The following LRRIQ3 variants were observed in gnomAD, a reference collection of about 807,000 sequenced individuals.
LRRIQ3 encodes the protein leucine rich repeats and IQ motif containing 3.
Under a neutral mutation model 59.3 loss-of-function variants are expected in LRRIQ3, and 75 were observed. The observed-to-expected ratio is 1.26, with a 90% CI of 1.05 to 1.53. The LOEUF is 1.53. LRRIQ3 is among the 40% of genes most tolerant of loss of function. The probability of loss-of-function intolerance (pLI) is 0.00; values close to 1 mark genes in which losing one functional copy is unlikely to be tolerated. For missense variants in LRRIQ3, 831 were observed against 710.0 expected (o/e 1.17, Z -1.94); for synonymous variants, 250 against 231.3 (o/e 1.08, Z -0.73).
At chr1:74,186,008 A>G (rs1230090366) in intron 1 of LRRIQ3, among the ~76,000 whole-genome samples, 1 of 151,130 alleles carries the variant, frequency 6.6e-6, no homozygotes, top group Non-Finnish European at 1.5e-5. Context: ...TATACTGTTA[A>G]TCATGGCATT....
At chr1:74,129,669 C>G (rs1017849011) in intron 4 of LRRIQ3, among the ~76,000 whole-genome samples, 2 of 151,990 alleles carry the variant, frequency 1.3e-5, no homozygotes, top group African/African-American at 4.8e-5. Flanking sequence ...GCTATAGCCA[C>G]CACAGCTGGA....
intron 4 of LRRIQ3, among the ~76,000 whole-genome samples, chr1:74,109,766 C>T (rs1487539801): frequency 8.6e-5 from 13 of 151,676 alleles, no homozygotes; most frequent in Admixed American, 7.3e-4. Flanking sequence ...TGAGAAATTT[C>T]AGCTGATATG....
At chr1:74,099,499 C>T (rs1254315836) in intron 5 of LRRIQ3, among the ~76,000 whole-genome samples, 1 of 152,122 alleles carries the variant, frequency 6.6e-6, no homozygotes, top group Non-Finnish European at 1.5e-5. Context: ...TGGTACCATT[C>T]CTTCTGAAAC....
intron 4 of LRRIQ3, among the ~76,000 whole-genome samples, chr1:74,120,124 GTT>G (rs377163655): frequency 1.4e-5 from 2 of 142,632 alleles, no homozygotes; most frequent in African/African-American, 2.5e-5. Context: ...TTTGTATGTT[GTT>G]TTTTTTTTTT....
At chr1:74,172,834 G>A (rs1007075600) in intron 3 of LRRIQ3, among the ~76,000 whole-genome samples, 1 of 151,986 alleles carries the variant, frequency 6.6e-6, no homozygotes, top group African/African-American at 2.4e-5. Flanking sequence ...TTTGTCTTTT[G>A]TAAGTTTTTT....
chr1:74,097,423 G>A lies in LRRIQ3; in HGVS notation c.867+11971C>T, dbSNP rs374431979. Among the ~76,000 whole-genome samples the A allele has an allele frequency of 1.3e-3, 205 of 152,196 alleles. 1 individual carries two copies. Among genetic ancestry groups the A allele is most frequent in the African/African-American group, 4.7e-3 (196 of 41,540 alleles). On this transcript the variant is annotated intron_variant, in intron 5 of 7. Transcript: ENST00000354431. ...GACTATGTGAAAAGACCAAATCTAC[G>A]TCTCATTGGTGTACCTAAAAGTGAC...
chr1:74,093,175 T>C (rs1646412687), intron 5 of LRRIQ3, among the ~76,000 whole-genome samples: 1 of 151,972 alleles, frequency 6.6e-6, no homozygotes, highest in African/African-American at 2.4e-5. Context: ...TCAATCTCTA[T>C]AGCAACCCAC....
intron 6 of LRRIQ3, among the ~76,000 whole-genome samples, chr1:74,071,345 T>C (rs576534728): frequency 6.6e-6 from 1 of 152,176 alleles, no homozygotes; most frequent in Admixed American, 6.6e-5. Context: ...ATTGCTTCTG[T>C]TAAATAAACA....
At chr1:74,195,553 T>C (rs1205138881) in intron 1 of LRRIQ3, among the ~76,000 whole-genome samples, 2 of 152,202 alleles carry the variant, frequency 1.3e-5, no homozygotes, top group African/African-American at 4.8e-5. Flanking sequence ...ATAAAGTTGC[T>C]TTAAAAAATC....
At chr1:74,161,676 G>A (rs1648668804) in intron 3 of LRRIQ3, among the ~76,000 whole-genome samples, 1 of 151,836 alleles carries the variant, frequency 6.6e-6, no homozygotes, top group Admixed American at 6.6e-5. Context: ...AGCTCATATT[G>A]CAGTTTACAT....
intron 7 of LRRIQ3, among the ~76,000 whole-genome samples, chr1:74,029,915 G>A (rs1653646201): frequency 6.6e-6 from 1 of 151,966 alleles, no homozygotes; most frequent in Non-Finnish European, 1.5e-5. Context: ...CTTCTTCCTA[G>A]TTTAGTCTTG....
chr1:74,030,899 TCAAA>T (rs1411536025), intron 7 of LRRIQ3, among the ~76,000 whole-genome samples: 1 of 151,990 alleles, frequency 6.6e-6, no homozygotes, highest in Non-Finnish European at 1.5e-5. Context: ...TACAAAGAAC[TCAAA>T]CAAATTTACA....
chr1:74,084,300 G>A, intron 5 of LRRIQ3: 1 of 1,369,766 alleles, frequency 7.3e-7, no homozygotes, highest in Admixed American at 2.3e-5. Context: ...ACAATAATCA[G>A]CAAACATTAC....
Position 74,189,146 on chromosome 1 carries a change from T to A in LRRIQ3, c.1-5462A>T, listed in dbSNP as rs550301798. 1.2e-4 allele frequency among the ~76,000 whole-genome samples: 18 copies of A among 152,234 alleles called. No individual in the cohort carries two copies. In the South Asian group the frequency reaches 3.5e-3, roughly 30 times the overall value. On this transcript the variant is annotated intron_variant, in intron 1 of 7. Transcript: ENST00000354431. ...TGAGATGAACCAGTCTTTCTTTCCA[T>A]ACTGTCTCAGGACCTCTCTATGTTG... is the stretch of plus-strand genomic sequence containing the variant.
chr1:74,052,524 T>C (rs749812834), intron 6 of LRRIQ3, among the ~76,000 whole-genome samples: 39 of 116,282 alleles, frequency 3.4e-4, no homozygotes, highest in Non-Finnish European at 6.2e-4. Flanking sequence ...ATATCAGCTC[T>C]CAATTTCATT....
intron 6 of LRRIQ3, among the ~76,000 whole-genome samples, chr1:74,066,303 A>G (rs1032082): frequency 0.53 from 79,858 of 151,870 alleles, 21,393 homozygotes; most frequent in East Asian, 0.82. Flanking sequence ...GATAGCCTGT[A>G]TATTACATAA....
At chr1:74,157,761 T>C (rs993827522) in intron 3 of LRRIQ3, among the ~76,000 whole-genome samples, 4 of 152,112 alleles carry the variant, frequency 2.6e-5, no homozygotes, top group Non-Finnish European at 4.4e-5. Context: ...CATTGTTACA[T>C]TGAAAGAATT....
chr1:74,029,526 C>A (rs975757486), intron 7 of LRRIQ3, among the ~76,000 whole-genome samples: 13 of 152,062 alleles, frequency 8.5e-5, no homozygotes, highest in African/African-American at 2.9e-4. Flanking sequence ...GTTGAACCAG[C>A]CTTGCATCCC....
intron 3 of LRRIQ3, chr1:74,180,830 C>T (rs6701961): frequency 1 from 1,543,429 of 1,544,234 alleles, 771,316 homozygotes; most frequent in East Asian, 1. Context: ...AATAAATATT[C>T]TTCAAAAAGG....
Sources: allele counts gnomAD v4.1 joint callset (sites outside exome capture counted in the v4.1 genomes callset), GRCh38; gene constraint gnomAD v4.1.1; transcripts MANE v1.5; gene names NCBI Gene and HGNC (gene_info 2026-07-23, HGNC 2026-07-21).